TENM2: variants seen among roughly 807,000 people sequenced by gnomAD.
TENM2 encodes teneurin transmembrane protein 2.
Under a neutral mutation model 245.2 loss-of-function variants are expected in TENM2, and 52 were observed. That is an observed-to-expected ratio of 0.21 (90% CI 0.17 to 0.27). TENM2 has a LOEUF of 0.27. Ranked by LOEUF, TENM2 falls within the 10% of genes least tolerant of loss-of-function variation. TENM2 has a pLI of 1.00. For missense variants in TENM2, 3,046 were observed against 3,666.8 expected (o/e 0.83, Z 4.37); for synonymous variants, 1,363 against 1,438.9 (o/e 0.95, Z 1.19).
intron 2 of TENM2, among the ~76,000 whole-genome samples, chr5:167,702,561 TATATATATATAC>T (rs1193968210): frequency 2.7e-5 from 4 of 147,654 alleles, no homozygotes; most frequent in African/African-American, 7.4e-5. Context: ...TGTATATATA[TATATATATATAC>T]ATATATATAT....
chr5:168,115,438 G>T, intron 9 of TENM2, among the ~76,000 whole-genome samples: 1 of 142,250 alleles, frequency 7.0e-6, no homozygotes, highest in African/African-American at 2.9e-5. Context: ...GAAAAAAAAA[G>T]AAAAAAATTT....
chr5:167,329,113 C>T (rs1169399542), intron 1 of TENM2, among the ~76,000 whole-genome samples: 1 of 152,118 alleles, frequency 6.6e-6, no homozygotes, highest in Non-Finnish European at 1.5e-5. Flanking sequence ...GAGTTATTGG[C>T]TTCATGCAAC....
chr5:168,160,045 A>G (rs1028092265), intron 12 of TENM2, among the ~76,000 whole-genome samples: 1 of 152,202 alleles, frequency 6.6e-6, no homozygotes, highest in African/African-American at 2.4e-5. Flanking sequence ...CAAAGTAGCT[A>G]AATAACAAAG....
the TENM2 span, among the ~76,000 whole-genome samples, chr5:166,993,956 T>G: frequency 1.3e-5 from 2 of 152,188 alleles, no homozygotes; most frequent in Non-Finnish European, 2.9e-5. Flanking sequence ...TTGCGTATGT[T>G]TGTTTGTATT....
At chr5:167,370,260 T>C (rs1760326531) in intron 1 of TENM2, among the ~76,000 whole-genome samples, 1 of 140,520 alleles carries the variant, frequency 7.1e-6, no homozygotes, top group Non-Finnish European at 1.5e-5. Flanking sequence ...GAGAATGGCG[T>C]GAACCCGGGA....
chr5:167,446,788 A>AACGCACACACAC (rs1374181730), intron 2 of TENM2, among the ~76,000 whole-genome samples: 8 of 92,348 alleles, frequency 8.7e-5, no homozygotes, highest in African/African-American at 3.4e-4. Flanking sequence ...CAGTTTTTGA[A>AACGCACACACAC]ACACGCACAC....
chr5:168,102,563 A>G (rs1793910295), intron 9 of TENM2, among the ~76,000 whole-genome samples: 1 of 152,190 alleles, frequency 6.6e-6, no homozygotes, highest in African/African-American at 2.4e-5. Context: ...GAGCACACAT[A>G]AGCCTGGCGT....
chr5:167,546,418 G>T (rs1386115035), intron 2 of TENM2, among the ~76,000 whole-genome samples: 1 of 152,140 alleles, frequency 6.6e-6, no homozygotes, highest in Non-Finnish European at 1.5e-5. Flanking sequence ...TGAACTTTAT[G>T]CTGCTGAGCT....
chr5:167,719,720 G>A (rs1475974399), intron 2 of TENM2, among the ~76,000 whole-genome samples: 2 of 152,182 alleles, frequency 1.3e-5, no homozygotes, highest in Non-Finnish European at 2.9e-5. Flanking sequence ...AACCAGTGGC[G>A]ATTTTGCCAC....
Position 167,734,252 on chromosome 5 carries a change from G to A in TENM2, c.503-141734G>A, listed in dbSNP as rs556772920. On this transcript the variant is annotated intron_variant, in intron 2 of 28. Coordinates refer to ENST00000518659, the Ensembl canonical transcript of TENM2. ...TTTTTAGTATTTTCCCTGCTACTTCGTCCCTCATCTCATCTTTGAGATTTG... is the reference window on the plus strand; with the variant it reads ...TTTTTAGTATTTTCCCTGCTACTTCATCCCTCATCTCATCTTTGAGATTTG... Among the ~76,000 whole-genome samples, 46 of 152,002 alleles carry A rather than the reference G, an allele frequency of 3.0e-4. No homozygotes were observed. In the South Asian group the frequency reaches 5.6e-3, roughly 19 times the overall value.
intron 2 of TENM2, among the ~76,000 whole-genome samples, chr5:167,781,820 C>A (rs1764205321): frequency 6.7e-6 from 1 of 150,138 alleles, no homozygotes. Context: ...AGTTCAAGAC[C>A]AGTCTGGACA....
chr5:167,722,908 C>T (rs540172440), intron 2 of TENM2, among the ~76,000 whole-genome samples: 24 of 152,248 alleles, frequency 1.6e-4, no homozygotes, highest in Admixed American at 1.2e-3. Context: ...TGAGTAGTCA[C>T]GGAGAAATGA....
intron 5 of TENM2, among the ~76,000 whole-genome samples, chr5:168,046,381 G>A (rs1438020130): frequency 2.0e-5 from 3 of 152,204 alleles, no homozygotes; most frequent in Non-Finnish European, 2.9e-5. Context: ...GCCAGACATC[G>A]TTTGGATGAG....
chr5:167,196,512 G>GTATATATATGTGTGTGTGTATATATA, the TENM2 span, among the ~76,000 whole-genome samples: 1 of 144,240 alleles, frequency 6.9e-6, no homozygotes, highest in African/African-American at 2.8e-5. Flanking sequence ...ATATATATGT[G>GTATATATATGTGTGTGTGTATATATA]TGTGTATATA....
chr5:167,082,004 AT>A, the TENM2 span, among the ~76,000 whole-genome samples: 1 of 152,180 alleles, frequency 6.6e-6, no homozygotes, highest in Non-Finnish European at 1.5e-5. Context: ...CCTGGGTTTA[AT>A]CTGTGACTGC....
At chr5:167,777,275 A>ATAGTGC (rs1445949784) in intron 2 of TENM2, among the ~76,000 whole-genome samples, 1 of 152,218 alleles carries the variant, frequency 6.6e-6, no homozygotes, top group Admixed American at 6.5e-5. Context: ...CTCAATGTTG[A>ATAGTGC]TAGTGCTTAT....
At chr5:167,392,895 G>A (rs1437613269) in intron 2 of TENM2, among the ~76,000 whole-genome samples, 3 of 151,952 alleles carry the variant, frequency 2.0e-5, no homozygotes, top group South Asian at 2.1e-4. Flanking sequence ...CTCTCCATGC[G>A]GGTGGATCAG....
intron 4 of TENM2, among the ~76,000 whole-genome samples, chr5:167,967,938 C>T (rs1275105186): frequency 6.6e-6 from 1 of 152,210 alleles, no homozygotes; most frequent in Non-Finnish European, 1.5e-5. Flanking sequence ...CTAATTCTGG[C>T]TCCCTGATGA....
the TENM2 span, among the ~76,000 whole-genome samples, chr5:167,250,995 G>A: frequency 6.6e-6 from 1 of 152,050 alleles, no homozygotes; most frequent in African/African-American, 2.4e-5. Context: ...TCTCTCTTTT[G>A]AGAAAGAATA....
Sources: allele counts gnomAD v4.1 joint callset (sites outside exome capture counted in the v4.1 genomes callset), GRCh38; gene constraint gnomAD v4.1.1; transcripts MANE v1.5; gene names NCBI Gene and HGNC (gene_info 2026-07-23, HGNC 2026-07-21).